FAM227B: variants seen among roughly 807,000 people sequenced by gnomAD.
FAM227B encodes family with sequence similarity 227 member B.
A neutral mutation model predicts 73.8 loss-of-function variants in FAM227B; 88 were observed. The ratio of observed to expected loss-of-function variants is 1.19; its 90% CI spans 1.00 to 1.42. The LOEUF (loss-of-function observed/expected upper bound fraction) is 1.42, where lower values mean the gene tolerates loss of function less well. Among genes scored for constraint, FAM227B ranks in the 40% most tolerant of loss-of-function variants. The pLI is 0.00. For missense variants in FAM227B, 632 were observed against 590.9 expected (o/e 1.07, Z -0.72); for synonymous variants, 210 against 190.5 (o/e 1.10, Z -0.84).
At chr15:49,357,937 A>G (rs371223679) in intron 13 of FAM227B, among the ~76,000 whole-genome samples, 3 of 151,974 alleles carry the variant, frequency 2.0e-5, no homozygotes, top group African/African-American at 4.8e-5. Flanking sequence ...TTCAATATAC[A>G]CAAATCAATA....
intron 11 of FAM227B, among the ~76,000 whole-genome samples, chr15:49,374,272 C>T (rs916712688): frequency 1.3e-5 from 2 of 152,034 alleles, no homozygotes; most frequent in South Asian, 2.1e-4. Flanking sequence ...TCAGAATTCC[C>T]GAGATTTTTA....
At chr15:49,361,585 T>A (rs1244586729) in intron 13 of FAM227B, among the ~76,000 whole-genome samples, 1 of 152,196 alleles carries the variant, frequency 6.6e-6, no homozygotes, top group Non-Finnish European at 1.5e-5. Context: ...TCTTGTTAGT[T>A]TTTATGGCTG....
intron 11 of FAM227B, among the ~76,000 whole-genome samples, chr15:49,458,224 T>C (rs2151915131): frequency 6.6e-6 from 1 of 152,002 alleles, no homozygotes; most frequent in East Asian, 1.9e-4. Flanking sequence ...CCAATGACAA[T>C]AGATTTTGAA....
At chr15:49,520,692 T>C in intron 10 of FAM227B, among the ~76,000 whole-genome samples, 1 of 152,232 alleles carries the variant, frequency 6.6e-6, no homozygotes, top group East Asian at 1.9e-4. Context: ...GTGAGACTTA[T>C]TTACTATCAT....
chr15:49,421,942 A>G (rs538490483), intron 11 of FAM227B, among the ~76,000 whole-genome samples: 6 of 152,310 alleles, frequency 3.9e-5, no homozygotes, highest in African/African-American at 1.4e-4. Flanking sequence ...AACATTCAAC[A>G]TTTGGCATAT....
chr15:49,562,175 C>T (rs758742664), intron 9 of FAM227B, among the ~76,000 whole-genome samples: 6 of 151,970 alleles, frequency 3.9e-5, no homozygotes, highest in Non-Finnish European at 7.4e-5. Context: ...ATATTACAAA[C>T]AATCCCACAA....
intron 11 of FAM227B, among the ~76,000 whole-genome samples, chr15:49,384,254 G>A (rs1596743891): frequency 6.6e-6 from 1 of 152,180 alleles, no homozygotes; most frequent in East Asian, 1.9e-4. Flanking sequence ...CTTTGACTAA[G>A]AAACTTGTAT....
intron 10 of FAM227B, among the ~76,000 whole-genome samples, chr15:49,529,355 T>C (rs576744110): frequency 1.3e-5 from 2 of 151,658 alleles, no homozygotes; most frequent in South Asian, 2.1e-4. Context: ...AGTTAAAAAA[T>C]GAACTATTGG....
chr15:49,381,204 C>G (rs907346527), intron 11 of FAM227B, among the ~76,000 whole-genome samples: 1 of 152,184 alleles, frequency 6.6e-6, no homozygotes, highest in African/African-American at 2.4e-5. Flanking sequence ...GTCCAAGTAT[C>G]TCCCTCTAGG....
At position 49,476,635 on chromosome 15, in the gene FAM227B, CATAA is replaced by C. The variant is rs200945867; in HGVS notation, c.1012+31572_1012+31575del. On this transcript the variant is annotated intron_variant, in intron 11 of 15. Transcript: ENST00000299338. Reference sequence around the variant, plus strand: ...TCACATATGTTCTATATATTTTGGACATAAATAAATAATGTAAAATGTCGGTACA... The same window carrying C: ...TCACATATGTTCTATATATTTTGGACATAAATAATGTAAAATGTCGGTACA... Among the ~76,000 whole-genome samples, 1,289 of 152,144 alleles carry C rather than the reference CATAA, an allele frequency of 8.5e-3. 28 individuals carry two copies. Among genetic ancestry groups the C allele is most frequent in the South Asian group, 0.071 (343 of 4,818 alleles).
chr15:49,359,223 A>C (rs1179233986), intron 13 of FAM227B, among the ~76,000 whole-genome samples: 23 of 143,856 alleles, frequency 1.6e-4, no homozygotes, highest in Non-Finnish European at 3.2e-4. Flanking sequence ...GCAACAAAAG[A>C]CAAAATTGAC....
chr15:49,558,138 C>T (rs78231345), intron 9 of FAM227B, among the ~76,000 whole-genome samples: 27,022 of 152,092 alleles, frequency 0.18, 3,103 homozygotes, highest in Non-Finnish European at 0.25. Flanking sequence ...CCCAACTTTG[C>T]CTGAATACTG....
chr15:49,581,408 A>G (rs915211193), intron 5 of FAM227B, among the ~76,000 whole-genome samples: 1 of 151,868 alleles, frequency 6.6e-6, no homozygotes, highest in Non-Finnish European at 1.5e-5. Context: ...GCTCACTGCA[A>G]CTTCCCCCTC....
At chr15:49,540,019 TGGCCCTGGGTAGCACAACA>T (rs2070835426) in intron 10 of FAM227B, among the ~76,000 whole-genome samples, 1 of 152,184 alleles carries the variant, frequency 6.6e-6, no homozygotes, top group Non-Finnish European at 1.5e-5. Flanking sequence ...GAGTAGGTCC[TGGCCCTGGGTAGCACAACA>T]GTGGCTTCTT....
At chr15:49,383,743 G>T (rs1053011930) in intron 11 of FAM227B, among the ~76,000 whole-genome samples, 2 of 152,038 alleles carry the variant, frequency 1.3e-5, no homozygotes, top group African/African-American at 4.8e-5. Context: ...AAAGGAATAC[G>T]ATTGGCAAAT....
chr15:49,469,360 C>G (rs1051216808), intron 11 of FAM227B, among the ~76,000 whole-genome samples: 1 of 152,040 alleles, frequency 6.6e-6, no homozygotes, highest in Non-Finnish European at 1.5e-5. Context: ...AAATTTAATT[C>G]TATTTCTACT....
chr15:49,333,941 TTG>T (rs1348792685), intron 14 of FAM227B, among the ~76,000 whole-genome samples: 12 of 145,730 alleles, frequency 8.2e-5, no homozygotes, highest in Admixed American at 7.3e-4. Flanking sequence ...GCTAAATCTG[TTG>T]TTTTTCTAGT....
intron 11 of FAM227B, among the ~76,000 whole-genome samples, chr15:49,399,685 C>T (rs1355955547): frequency 1.4e-5 from 2 of 146,600 alleles, no homozygotes; most frequent in Non-Finnish European, 3.0e-5. Flanking sequence ...GGATGCAAGG[C>T]TGGTTCAATA....
At chr15:49,477,802 AGAGTTTT>A (rs2055489427) in intron 11 of FAM227B, among the ~76,000 whole-genome samples, 1 of 152,200 alleles carries the variant, frequency 6.6e-6, no homozygotes, top group Admixed American at 6.5e-5. Flanking sequence ...TAGTAATGAA[AGAGTTTT>A]GGTTGCTTTG....
Sources: allele counts gnomAD v4.1 joint callset (sites outside exome capture counted in the v4.1 genomes callset), GRCh38; gene constraint gnomAD v4.1.1; transcripts MANE v1.5; gene names NCBI Gene and HGNC (gene_info 2026-07-23, HGNC 2026-07-21).